Variants in MESD observed in about 807,000 individuals in gnomAD.
MESD encodes LRP chaperone MESD.
A neutral mutation model predicts 12.9 loss-of-function variants in MESD; 7 were observed. The observed-to-expected ratio is 0.54, with a 90% CI of 0.31 to 1.02. The LOEUF is 1.02. Among genes scored for constraint, MESD ranks in the 50% least tolerant of loss-of-function variants. MESD has a pLI of 0.05. For missense variants in MESD, 342 were observed against 296.7 expected (o/e 1.15, Z -1.12); for synonymous variants, 126 against 115.6 (o/e 1.09, Z -0.58).
chr15:80,969,373 G>A (rs1902239207), intron 3 of MESD, among the ~76,000 whole-genome samples: 1 of 152,068 alleles, frequency 6.6e-6, no homozygotes, highest in African/African-American at 2.4e-5. Context: ...TGCCTGCCTT[G>A]CTATCTTTAT....
At chr15:80,959,657 T>C (rs1956749030) in intron 3 of MESD, among the ~76,000 whole-genome samples, 1 of 152,100 alleles carries the variant, frequency 6.6e-6, no homozygotes, top group East Asian at 1.9e-4. Context: ...ATAACATAAA[T>C]TATTAAAGAT....
At position 80,977,665 on chromosome 15, in the gene MESD, G is replaced by A. The variant is rs775936632; in HGVS notation, c.*1554C>T. 3.3e-5 allele frequency: 5 copies of A among 152,226 alleles called. No homozygotes were observed. Among genetic ancestry groups the A allele is most frequent in the Non-Finnish European group, 7.3e-5 (5 of 68,054 alleles). The allele number at this position is 152,226 out of a possible 1,614,324, so 9.4% of individuals were successfully genotyped here. ...GTACAACAGAAAAAGCCCACAGACA[G>A]GGCTTGGTTCAGCCACGGCATGATT... On this transcript the variant is annotated 3_prime_UTR_variant, in exon 3 of 3. Transcript: ENST00000261758.
At chr15:80,982,330 T>G in intron 1 of MESD, 148 bp from the exon 2 acceptor site, 1 of 655,966 alleles carries the variant, frequency 1.5e-6, no homozygotes, top group Non-Finnish European at 2.6e-6. Flanking sequence ...CTTCCTCTTC[T>G]TAACTTTCAA....
At chr15:80,986,797 A>C (rs1902745928) in intron 1 of MESD, among the ~76,000 whole-genome samples, 1 of 152,202 alleles carries the variant, frequency 6.6e-6, no homozygotes, top group South Asian at 2.1e-4. Context: ...CTAAGTCAGT[A>C]GCTACAAAGC....
At chr15:80,980,681 A>T (rs1902550204) in intron 2 of MESD, among the ~76,000 whole-genome samples, 1 of 152,212 alleles carries the variant, frequency 6.6e-6, no homozygotes, top group African/African-American at 2.4e-5. Flanking sequence ...AGTGACAGTA[A>T]TCCTAGCACT....
chr15:80,948,951 G>T, intron 4 of MESD: 1 of 1,613,964 alleles, frequency 6.2e-7, no homozygotes, highest in Admixed American at 1.7e-5. Flanking sequence ...GTGCCACCTC[G>T]TGGTAGACTA....
rs776756284 is a variant in MESD, at chr15:80,982,023, T to G, written c.373A>C (p.Thr125Pro). ...MMFVTVSGSP[T>P]EKETEEITSL... Reference sequence around the variant, plus strand: ...GTAATTTCCTCTGTCTCCTTCTCAGTAGGGCTTCCTGATACAGTGACAAAC... The same window carrying G: ...GTAATTTCCTCTGTCTCCTTCTCAGGAGGGCTTCCTGATACAGTGACAAAC... Residue 125 changes from threonine (T) to proline (P), a missense_variant, in exon 2 of 3, where the codon ACT becomes CCT. Thr to Pro is a conservative substitution (Grantham distance 38). Coordinates refer to ENST00000261758, the MANE Select transcript of MESD (RefSeq NM_015154.3). 3 of 1,614,086 alleles carry G rather than the reference T, an allele frequency of 1.9e-6. No homozygotes were observed. The highest frequency in any genetic ancestry group is 2.5e-6 in the Non-Finnish European group (3 of 1,180,044).
intron 1 of MESD, 113 bp downstream of exon 1, chr15:80,989,466 T>G: frequency 1.6e-6 from 2 of 1,227,644 alleles, no homozygotes; most frequent in Non-Finnish European, 2.3e-6. Context: ...ATTCAAGGCA[T>G]GAGTAGAGGA....
chr15:80,948,118 A>T, exon 5 of MESD: 1 of 153,220 alleles, frequency 6.5e-6, no homozygotes, highest in East Asian at 1.9e-4. Context: ...GGTTGCCAAA[A>T]GCTGATGTAT....
intron 3 of MESD, among the ~76,000 whole-genome samples, chr15:80,967,481 G>C (rs1278755738): frequency 6.6e-6 from 1 of 152,122 alleles, no homozygotes; most frequent in Non-Finnish European, 1.5e-5. Flanking sequence ...TCCCAGGCCT[G>C]GCAGGACTTG....
chr15:80,961,902 A>C (rs2141790904), intron 3 of MESD, among the ~76,000 whole-genome samples: 1 of 152,370 alleles, frequency 6.6e-6, no homozygotes, highest in African/African-American at 2.4e-5. Context: ...AATTGTAAAG[A>C]CCATTGACAC....
At chr15:80,962,659 A>G (rs1345245306) in intron 3 of MESD, among the ~76,000 whole-genome samples, 1 of 152,252 alleles carries the variant, frequency 6.6e-6, no homozygotes, top group Non-Finnish European at 1.5e-5. Context: ...GTGCAATCAA[A>G]TTAGAACTCA....
chr15:80,964,257 C>A (rs1224136061), intron 3 of MESD, among the ~76,000 whole-genome samples: 1 of 152,106 alleles, frequency 6.6e-6, no homozygotes, highest in Non-Finnish European at 1.5e-5. Flanking sequence ...CCTAGGAATC[C>A]AACTTACAAG....
chr15:80,974,067 C>CG (rs1555441787), downstream of MESD, among the ~76,000 whole-genome samples: 2 of 152,136 alleles, frequency 1.3e-5, no homozygotes, highest in African/African-American at 4.8e-5. Context: ...TGGTTCCCCC[C>CG]CCCACTGGGG....
intron 3 of MESD, among the ~76,000 whole-genome samples, chr15:80,963,756 A>G (rs998669576): frequency 4.6e-5 from 7 of 152,192 alleles, no homozygotes; most frequent in Non-Finnish European, 8.8e-5. Flanking sequence ...AGATGCAAAA[A>G]AGGCCTTCGA....
At position 80,989,508 on chromosome 15, in the gene MESD, A is replaced by G. The variant is rs368322085; in HGVS notation, c.213+71T>C. 131 of 1,509,926 alleles carry G rather than the reference A, an allele frequency of 8.7e-5. 1 individual carries two copies. In the East Asian group the frequency reaches 2.8e-3, roughly 32 times the overall value. 93.5% of individuals were successfully genotyped at this position (1,509,926 alleles called of 1,614,324 possible). ...GGGGTCAGAAAGGTCCCAAGACAGA[A>G]CAGGTAAGGGGTCATAGGGAACAGG... On this transcript the variant is annotated intron_variant, in intron 1 of 2. Transcript: ENST00000261758.
intron 3 of MESD, among the ~76,000 whole-genome samples, chr15:80,956,794 G>C (rs1161446715): frequency 6.6e-6 from 1 of 152,048 alleles, no homozygotes; most frequent in African/African-American, 2.4e-5. Context: ...AGAGGGGGTG[G>C]CTGTGTTAAG....
intron 1 of MESD, among the ~76,000 whole-genome samples, chr15:80,983,669 T>C (rs1902647189): frequency 6.6e-6 from 1 of 152,114 alleles, no homozygotes; most frequent in Non-Finnish European, 1.5e-5. Context: ...AGACAGAAGA[T>C]GAGCCTAGAA....
intron 1 of MESD, among the ~76,000 whole-genome samples, chr15:80,987,027 A>G (rs1275255401): frequency 1.3e-5 from 2 of 152,252 alleles, no homozygotes; most frequent in African/African-American, 4.8e-5. Flanking sequence ...AGTGCAAACC[A>G]CATTTCTGGC....
Sources: allele counts gnomAD v4.1 joint callset (sites outside exome capture counted in the v4.1 genomes callset), GRCh38; gene constraint gnomAD v4.1.1; transcripts MANE v1.5; gene names NCBI Gene and HGNC (gene_info 2026-07-23, HGNC 2026-07-21).